WDR31: variants seen among roughly 807,000 people sequenced by gnomAD.
WDR31 encodes WD repeat domain 31, also known as WD repeat-containing protein 31.
WDR31 carries 30 observed loss-of-function variants against 47.3 expected under a neutral mutation model. The observed-to-expected ratio is 0.63, with a 90% CI of 0.47 to 0.86. The LOEUF (loss-of-function observed/expected upper bound fraction) is 0.86, where lower values mean the gene tolerates loss of function less well. WDR31 is among the 40% of genes least tolerant of loss of function. The pLI is 0.00. For missense variants in WDR31, 406 were observed against 442.9 expected (o/e 0.92, Z 0.75); for synonymous variants, 137 against 159.4 (o/e 0.86, Z 1.06).
chr9:113,320,732 A>G (rs1442031529), intron 8 of WDR31, among the ~76,000 whole-genome samples: 1 of 152,250 alleles, frequency 6.6e-6, no homozygotes, highest in East Asian at 1.9e-4. Context: ...AGATCAGTTA[A>G]TAGAAATTGA....
chr9:113,323,488 G>A (rs899659050), intron 5 of WDR31, among the ~76,000 whole-genome samples: 5 of 151,904 alleles, frequency 3.3e-5, no homozygotes, highest in African/African-American at 4.8e-5. Context: ...TCTCCAACTC[G>A]TGACCTCAGG....
rs775886618 is a variant in WDR31, at chr9:113,320,337, G to C, written c.780+20C>G. 6.2e-7 allele frequency: 1 copy of C among 1,612,998 alleles called. No homozygotes were observed. Among genetic ancestry groups the C allele is most frequent in the South Asian group, 1.1e-5 (1 of 90,830 alleles). ...CTGTTCATCAGCAACCAGATACCTG[G>C]ACCTCACACAGTCTCCTACCGTGGC... On this transcript the variant is annotated intron_variant, in intron 9 of 10. Coordinates refer to ENST00000374193, the MANE Select transcript of WDR31 (RefSeq NM_001012361.4).
At chr9:113,338,012 C>G (rs1261306204) in intron 1 of WDR31, among the ~76,000 whole-genome samples, 1 of 152,176 alleles carries the variant, frequency 6.6e-6, no homozygotes, top group Non-Finnish European at 1.5e-5. Context: ...CAGTCCAACT[C>G]CAGAGGCCCT....
chr9:113,330,323 G>A (rs146496436), intron 4 of WDR31, among the ~76,000 whole-genome samples: 162 of 152,220 alleles, frequency 1.1e-3, no homozygotes, highest in Non-Finnish European at 2.0e-3. Flanking sequence ...CTGGTCTTTA[G>A]CTCCTGTCCT....
chr9:113,318,033 G>A (rs1360237206), intron 10 of WDR31, among the ~76,000 whole-genome samples: 1 of 152,216 alleles, frequency 6.6e-6, no homozygotes, highest in African/African-American at 2.4e-5. Context: ...CTGATGCTTT[G>A]AAATGTTATG....
intron 5 of WDR31, among the ~76,000 whole-genome samples, chr9:113,328,447 G>A (rs1242145773): frequency 6.6e-6 from 1 of 152,218 alleles, no homozygotes; most frequent in Non-Finnish European, 1.5e-5. Context: ...ACTCTGGTCT[G>A]TAATGCTATC....
intron 1 of WDR31, among the ~76,000 whole-genome samples, chr9:113,337,501 T>C (rs1833742846): frequency 6.7e-6 from 1 of 149,062 alleles, no homozygotes; most frequent in African/African-American, 2.5e-5. Flanking sequence ...AATCTTACTA[T>C]ATTGCCCAGA....
At chr9:113,323,748 G>A (rs183022033) in intron 5 of WDR31, among the ~76,000 whole-genome samples, 1 of 152,190 alleles carries the variant, frequency 6.6e-6, no homozygotes, top group Non-Finnish European at 1.5e-5. Context: ...TGGTGAGGAT[G>A]TATCCCCTCT....
In WDR31 at chr9:113,318,537, A is replaced by G; in HGVS notation, c.881T>C (p.Met294Thr). 1 of 1,614,244 alleles carries G rather than the reference A, an allele frequency of 6.2e-7. No individual in the cohort carries two copies. The highest frequency in any genetic ancestry group is 2.2e-5 in the East Asian group (1 of 44,894). The change falls in exon 10 of 11, where the codon ATG (methionine) becomes ACG (threonine). Residue 294 changes from methionine to threonine, a missense_variant. Met to Thr is a moderately conservative substitution (Grantham distance 81, BLOSUM62 -1). Transcript: ENST00000374193. ...ATGTGATGAGGTAGCAATTAAAGGC[A>G]TCAAGGCCAATGCTCTTGGTAGAAA... Reference protein sequence around the residue: ...CVFLPRALALMPLIATSSHDC... With the variant: ...CVFLPRALALTPLIATSSHDC...
At chr9:113,335,665 A>C (rs1833701473) in intron 2 of WDR31, among the ~76,000 whole-genome samples, 1 of 152,162 alleles carries the variant, frequency 6.6e-6, no homozygotes. Flanking sequence ...TCCTGACGAG[A>C]ATAGGTAACC....
rs571924122 is a variant in WDR31 at position 113,320,635 on chromosome 9, C to G, written c.639-137G>C. On this transcript the variant is annotated intron_variant, in intron 8 of 10. Transcript: ENST00000374193. ...TGGAATGGCATGATTTACCTAAAAA[C>G]GGCAGCATGAACCAGATCAATCTCT... 11 of 1,114,720 alleles carry G rather than the reference C, an allele frequency of 9.9e-6. 1 individual carries two copies. The highest frequency in any genetic ancestry group is 4.2e-4 in the Middle Eastern group (2 of 4,708). 69.1% of individuals were successfully genotyped at this position (1,114,720 alleles called of 1,614,324 possible). A position where few individuals can be genotyped will look rare whatever the true frequency, so the allele number is the denominator to read the frequency against.
intron 4 of WDR31, among the ~76,000 whole-genome samples, chr9:113,329,930 G>A (rs183158965): frequency 0.011 from 1,603 of 151,980 alleles, 32 homozygotes; most frequent in African/African-American, 0.036. Flanking sequence ...GTGGTGAGCC[G>A]AGATGGCGCC....
At position 113,320,487 on chromosome 9, in the gene WDR31, C is replaced by G. The variant is rs752675909; in HGVS notation, c.650G>C (p.Ser217Thr). ...CATATGAGCTACCTGCAGCCCCCGA[C>G]TGTCCCATAATCTGAAAGAGATTAG... The part of the protein sequence containing the change: ...SEDKTLRLWD[S>T]RGLQVAHMFP... The change falls in exon 9 of 11, where the codon AGT becomes ACT. Residue 217 changes from serine (S) to threonine (T), a missense_variant. Transcript: ENST00000374193. 2 of 1,614,004 alleles carry G rather than the reference C, an allele frequency of 1.2e-6. No individual in the cohort carries two copies. The highest frequency in any genetic ancestry group is 1.1e-5 in the South Asian group (1 of 91,042).
chr9:113,331,257 G>A, intron 3 of WDR31, 141 bp from the exon 4 acceptor site: 1 of 592,566 alleles, frequency 1.7e-6, no homozygotes, highest in Non-Finnish European at 2.7e-6. Context: ...GAGAAGAGAA[G>A]GGAGACCCAT....
At chr9:113,320,594 C>T in intron 8 of WDR31, 96 bp from the exon 9 acceptor site, 1 of 1,462,796 alleles carries the variant, frequency 6.8e-7, no homozygotes, top group South Asian at 1.4e-5. Flanking sequence ...CTCTTTGCTG[C>T]ATAGGCCAGT....
At position 113,323,080 on chromosome 9, in the gene WDR31, C is replaced by A. The variant is rs773666950; in HGVS notation, c.400G>T (p.Gly134Cys). ...DRMVMMWDLH[G>C]SSQPRQQLCG... ...AATTGCTGCCTTGGTTGTGAGGAACCGTGCAAGTCCCACATCATGACCATC... is the reference window on the plus strand; with the variant it reads ...AATTGCTGCCTTGGTTGTGAGGAACAGTGCAAGTCCCACATCATGACCATC... Residue 134 changes from glycine (G) to cysteine (C), a missense_variant, in exon 6 of 11, where the codon GGT becomes TGT. Coordinates refer to ENST00000374193, the MANE Select transcript of WDR31 (RefSeq NM_001012361.4). 6.2e-7 allele frequency: 1 copy of A among 1,614,030 alleles called. No individual in the cohort carries two copies. The highest frequency in any genetic ancestry group is 1.3e-5 in the African/African-American group (1 of 74,910).
At chr9:113,335,965 C>T (rs1229359760) in intron 2 of WDR31, among the ~76,000 whole-genome samples, 1 of 152,228 alleles carries the variant, frequency 6.6e-6, no homozygotes, top group Non-Finnish European at 1.5e-5. Context: ...CCTTCCACTT[C>T]AGATATTCCA....
chr9:113,333,460 C>A (rs1439150311), intron 2 of WDR31, among the ~76,000 whole-genome samples: 1 of 147,876 alleles, frequency 6.8e-6, no homozygotes, highest in African/African-American at 2.5e-5. Flanking sequence ...CGGCTCACTG[C>A]AAGCTCCGCC....
intron 2 of WDR31, 136 bp downstream of exon 2, chr9:113,336,152 G>A (rs905504891): frequency 6.6e-6 from 1 of 152,174 alleles, no homozygotes; most frequent in African/African-American, 2.4e-5. Flanking sequence ...ATAGATCTAG[G>A]TCACTGGAAA....
Sources: gnomAD v4.1 joint callset for allele counts (sites outside exome capture counted in the v4.1 genomes callset) on GRCh38, gnomAD v4.1.1 for gene constraint, MANE v1.5 for transcripts, NCBI Gene and HGNC (gene_info 2026-07-23, HGNC 2026-07-21) for gene names.